Variants in ANKS1B observed in about 807,000 individuals in gnomAD.
ANKS1B encodes the protein ankyrin repeat and sterile alpha motif domain containing 1B, also known as ankyrin repeat and sterile alpha motif domain-containing protein 1B.
In ANKS1B, 36 loss-of-function variants were observed where a neutral mutation model predicts 148.3. The ratio of observed to expected loss-of-function variants is 0.24; its 90% CI spans 0.19 to 0.32. The LOEUF (loss-of-function observed/expected upper bound fraction) is 0.32. Ranked by LOEUF, ANKS1B falls within the 10% of genes least tolerant of loss-of-function variation. The pLI, the probability that ANKS1B is intolerant of heterozygous loss-of-function variation, is 1.00. For missense variants in ANKS1B, 1,157 were observed against 1,542.6 expected, an observed-to-expected ratio of 0.75 and a Z score of 4.19; for synonymous variants, 542 against 560.8, an observed-to-expected ratio of 0.97 and a Z score of 0.47.
At chr12:99,469,446 T>A (rs1331315585) in intron 10 of ANKS1B, among the ~76,000 whole-genome samples, 2 of 151,760 alleles carry the variant, frequency 1.3e-5, no homozygotes, top group African/African-American at 2.4e-5. Context: ...ATAATAATAA[T>A]AAAATTTAAA....
At chr12:99,863,021 G>A (rs2090238855) in intron 1 of ANKS1B, among the ~76,000 whole-genome samples, 1 of 152,190 alleles carries the variant, frequency 6.6e-6, no homozygotes, top group Non-Finnish European at 1.5e-5. Flanking sequence ...CTGTCATGAG[G>A]AATAGAGAGG....
chr12:99,088,992 C>A (rs953908653), intron 15 of ANKS1B, among the ~76,000 whole-genome samples: 1 of 151,584 alleles, frequency 6.6e-6, no homozygotes, highest in African/African-American at 2.4e-5. Flanking sequence ...ATTACAGGTG[C>A]CCGTCACCAT....
rs181367031 is a variant in ANKS1B at position 98,957,523 on chromosome 12, T to C, written c.2778+95634A>G. Among the ~76,000 whole-genome samples, 424 of 152,046 alleles carry C rather than the reference T, an allele frequency of 2.8e-3. 2 individuals are homozygous for C. Among genetic ancestry groups the C allele is most frequent in the African/African-American group, 9.6e-3 (398 of 41,464 alleles). On this transcript the variant is annotated intron_variant, in intron 17 of 26. Coordinates refer to ENST00000683438, the MANE Select transcript of ANKS1B (RefSeq NM_001352186.2). ...CCACCACATCCAGTTAATTTTTGTA[T>C]TTTTAGTAGAGACGGGTTTTCACCA...
chr12:99,820,807 A>C (rs949543361), intron 2 of ANKS1B, among the ~76,000 whole-genome samples: 1 of 151,994 alleles, frequency 6.6e-6, no homozygotes, highest in Non-Finnish European at 1.5e-5. Context: ...GGAGAGTTTA[A>C]CAACAAAGGG....
At chr12:98,794,326 A>T (rs2098925124) in intron 22 of ANKS1B, among the ~76,000 whole-genome samples, 1 of 125,302 alleles carries the variant, frequency 8.0e-6, no homozygotes, top group Non-Finnish European at 1.6e-5. Flanking sequence ...CAGGAGGTGG[A>T]GGTTGCAGTG....
At chr12:99,463,432 G>C (rs986679099) in intron 10 of ANKS1B, among the ~76,000 whole-genome samples, 101 of 152,186 alleles carry the variant, frequency 6.6e-4, no homozygotes, top group African/African-American at 2.2e-3. Flanking sequence ...GTGCCAGACA[G>C]TGGGTGCAGG....
chr12:98,911,901 C>T (rs2099787326), intron 17 of ANKS1B, among the ~76,000 whole-genome samples: 1 of 152,220 alleles, frequency 6.6e-6, no homozygotes, highest in Admixed American at 6.5e-5. Flanking sequence ...CAATCAAACC[C>T]TTTCCTATCC....
At chr12:99,711,436 T>C (rs1444157425) in intron 8 of ANKS1B, among the ~76,000 whole-genome samples, 5 of 152,060 alleles carry the variant, frequency 3.3e-5, no homozygotes, top group African/African-American at 1.2e-4. Flanking sequence ...CTCTCCACCC[T>C]TCCAGCCTCC....
chr12:99,869,676 T>G, intron 1 of ANKS1B, among the ~76,000 whole-genome samples: 1 of 143,932 alleles, frequency 6.9e-6, no homozygotes, highest in African/African-American at 2.6e-5. Context: ...AGTGAAACTT[T>G]GTCTCAAAAA....
intron 8 of ANKS1B, among the ~76,000 whole-genome samples, chr12:99,676,385 A>G (rs968090411): frequency 1.3e-5 from 2 of 152,108 alleles, no homozygotes; most frequent in East Asian, 1.9e-4. Flanking sequence ...TACATATCCT[A>G]TTTTCCAAAT....
chr12:98,931,303 C>CTTCT (rs2099813492), intron 17 of ANKS1B, among the ~76,000 whole-genome samples: 1 of 152,080 alleles, frequency 6.6e-6, no homozygotes, highest in African/African-American at 2.4e-5. Context: ...AACTTGAGGC[C>CTTCT]TTCTGATCAC....
At chr12:99,535,026 G>C (rs562782034) in intron 9 of ANKS1B, among the ~76,000 whole-genome samples, 1 of 152,036 alleles carries the variant, frequency 6.6e-6, no homozygotes, top group Non-Finnish European at 1.5e-5. Flanking sequence ...AAAAATTAAC[G>C]TGATTTAGGA....
intron 17 of ANKS1B, among the ~76,000 whole-genome samples, chr12:98,905,921 T>A (rs1428000845): frequency 6.6e-6 from 1 of 152,150 alleles, no homozygotes; most frequent in Non-Finnish European, 1.5e-5. Context: ...ATAAGGTCTA[T>A]GGTGCAGTGC....
At chr12:99,227,089 G>T (rs74457224) in intron 14 of ANKS1B, among the ~76,000 whole-genome samples, 1 of 152,122 alleles carries the variant, frequency 6.6e-6, no homozygotes, top group Non-Finnish European at 1.5e-5. Context: ...ACATTGAATT[G>T]TAATCCTCAG....
intron 5 of ANKS1B, 146 bp from the exon 6 acceptor site, chr12:99,780,118 T>TACACAC: frequency 1.6e-6 from 1 of 614,820 alleles, no homozygotes; most frequent in Non-Finnish European, 2.8e-6. Context: ...CACACACACA[T>TACACAC]ACACACACAC....
intron 15 of ANKS1B, among the ~76,000 whole-genome samples, chr12:99,122,995 A>ATATATATATATATATATATATATAT (rs57571566): frequency 5.7e-5 from 8 of 141,522 alleles, no homozygotes; most frequent in African/African-American, 1.6e-4. Flanking sequence ...AATTAAAAAA[A>ATATATATATATATATATATATATAT]AAATATATAT....
intron 14 of ANKS1B, among the ~76,000 whole-genome samples, chr12:99,161,550 C>G (rs2076662236): frequency 6.6e-6 from 1 of 151,986 alleles, no homozygotes; most frequent in Admixed American, 6.6e-5. Flanking sequence ...AAAATCCCCC[C>G]CAAAACCCAG....
intron 12 of ANKS1B, among the ~76,000 whole-genome samples, chr12:99,395,984 C>G (rs1475006784): frequency 6.6e-6 from 1 of 152,160 alleles, no homozygotes; most frequent in Non-Finnish European, 1.5e-5. Context: ...TAAGCTTGGT[C>G]AGCTACCTTG....
At chr12:99,309,192 G>A (rs1214669769) in intron 12 of ANKS1B, among the ~76,000 whole-genome samples, 1 of 151,512 alleles carries the variant, frequency 6.6e-6, no homozygotes, top group Non-Finnish European at 1.5e-5. Flanking sequence ...CATTGCATTG[G>A]CCAGGTTGCC....
Sources: gnomAD v4.1 joint callset for allele counts (sites outside exome capture counted in the v4.1 genomes callset) on GRCh38, gnomAD v4.1.1 for gene constraint, MANE v1.5 for transcripts, NCBI Gene and HGNC (gene_info 2026-07-23, HGNC 2026-07-21) for gene names.